Variants in ARHGEF10 observed in about 807,000 individuals in gnomAD.
ARHGEF10 encodes Rho guanine nucleotide exchange factor (GEF) 10.
In ARHGEF10, 140 loss-of-function variants were observed where a neutral mutation model predicts 147.4. The ratio of observed to expected loss-of-function variants is 0.95; its 90% CI spans 0.83 to 1.09. The LOEUF (loss-of-function observed/expected upper bound fraction) is 1.09, where lower values mean the gene tolerates loss of function less well. ARHGEF10 is among the 50% of genes least tolerant of loss of function. The pLI, the probability that ARHGEF10 is intolerant of heterozygous loss-of-function variation, is 0.00. For missense variants in ARHGEF10, 2,222 were observed against 1,752.7 expected, an observed-to-expected ratio of 1.27 and a Z score of -4.78; for synonymous variants, 902 against 695.8, an observed-to-expected ratio of 1.30 and a Z score of -4.67.
intron 25 of ARHGEF10, among the ~76,000 whole-genome samples, chr8:1,933,553 G>A (rs1311993945): frequency 7.3e-6 from 1 of 137,442 alleles, no homozygotes; most frequent in East Asian, 2.6e-4. Flanking sequence ...GGATAGGCAG[G>A]GGGGCGGGTG....
chr8:1,900,705 A>G (rs915547597), intron 15 of ARHGEF10, among the ~76,000 whole-genome samples: 2 of 152,198 alleles, frequency 1.3e-5, no homozygotes, highest in African/African-American at 2.4e-5. Flanking sequence ...ACATTCTTAA[A>G]CTCAGAATTC....
At chr8:1,862,019 T>C (rs749423344) in intron 4 of ARHGEF10, among the ~76,000 whole-genome samples, 3 of 152,256 alleles carry the variant, frequency 2.0e-5, no homozygotes, top group Non-Finnish European at 4.4e-5. Flanking sequence ...AGCCTTGTTC[T>C]AATAAAGACT....
At chr8:1,858,383 C>G (rs534910474) in intron 3 of ARHGEF10, among the ~76,000 whole-genome samples, 1 of 152,194 alleles carries the variant, frequency 6.6e-6, no homozygotes, top group South Asian at 2.1e-4. Context: ...AGGATGATTT[C>G]TAGGAGCCAG....
At chr8:1,847,839 C>G (rs574996136) in intron 2 of ARHGEF10, among the ~76,000 whole-genome samples, 67 of 152,382 alleles carry the variant, frequency 4.4e-4, no homozygotes, top group South Asian at 8.3e-4. Flanking sequence ...ATATGAGAAT[C>G]AAACATGCTC....
chr8:1,839,915 T>A (rs1355852645), intron 1 of ARHGEF10, among the ~76,000 whole-genome samples: 1 of 149,190 alleles, frequency 6.7e-6, no homozygotes, highest in African/African-American at 2.5e-5. Flanking sequence ...GTGTGGGGAC[T>A]GTCCGGTGTG....
At chr8:1,952,940 T>C in intron 28 of ARHGEF10, 113 bp downstream of exon 28, 1 of 1,458,696 alleles carries the variant, frequency 6.9e-7, no homozygotes, top group Non-Finnish European at 9.5e-7. Context: ...TCATATTATC[T>C]GTGGTTTTTC....
intron 7 of ARHGEF10, chr8:1,875,945 A>G (rs917407780): frequency 1.3e-5 from 2 of 153,690 alleles, no homozygotes; most frequent in African/African-American, 4.8e-5. Context: ...ATAAAGAAAC[A>G]TTTATGCTTG....
rs773521162 is a variant in ARHGEF10 at position 1,925,360 on chromosome 8, G to A, written c.2566G>A (p.Val856Ile). The A allele has an allele frequency of 1.4e-4, 221 of 1,614,078 alleles. 4 individuals are homozygous for A. The South Asian group carries it at 1.8e-3, about 13-fold the overall frequency. The change falls in exon 22 of 29, where the codon GTC becomes ATC. Residue 856 changes from valine to isoleucine, a missense_variant. By Grantham distance (29) the Val-to-Ile change is conservative. Transcript: ENST00000349830. ...TAAAAAGGAGAAGCATCCTCTCCTC[G>A]TCGGACACATGCCCGTGATGGTGGC... The part of the protein sequence containing the change: ...HIKKEKHPLL[V>I]GHMPVMVAKQ...
chr8:1,832,466 ACAGAGGCAGAGAGAGACACAGG>A (rs1803195793), intron 1 of ARHGEF10, among the ~76,000 whole-genome samples: 1 of 150,714 alleles, frequency 6.6e-6, no homozygotes, highest in Non-Finnish European at 1.5e-5. Context: ...AGAGGCAGAG[ACAGAGGCAGAGAGAGACACAGG>A]CAGAGGCAGA....
At chr8:1,912,728 C>G (rs1366705977) in intron 18 of ARHGEF10, among the ~76,000 whole-genome samples, 1 of 152,160 alleles carries the variant, frequency 6.6e-6, no homozygotes. Flanking sequence ...CTCCCTGATG[C>G]TGTTTTGAAA....
chr8:1,928,036 A>G (rs993236985), intron 23 of ARHGEF10, among the ~76,000 whole-genome samples: 19 of 152,214 alleles, frequency 1.2e-4, no homozygotes, highest in African/African-American at 4.3e-4. Flanking sequence ...TCCTATTTGA[A>G]AGGTTTATTT....
At chr8:1,944,475 G>T (rs1373431488) in intron 26 of ARHGEF10, among the ~76,000 whole-genome samples, 1 of 152,252 alleles carries the variant, frequency 6.6e-6, no homozygotes, top group Non-Finnish European at 1.5e-5. Context: ...TGGGCTCTGG[G>T]CGCGGCGTAG....
chr8:1,928,384 C>A, intron 23 of ARHGEF10, 43 bp from the exon 24 acceptor site: 1 of 1,591,440 alleles, frequency 6.3e-7, no homozygotes, highest in Non-Finnish European at 8.6e-7. Flanking sequence ...ATGGAAGCCG[C>A]CACATGGTCG....
chr8:1,851,400 C>T (rs1805137001), intron 2 of ARHGEF10, among the ~76,000 whole-genome samples: 1 of 151,818 alleles, frequency 6.6e-6, no homozygotes, highest in African/African-American at 2.4e-5. Flanking sequence ...GAAGGCACAG[C>T]ACCAGGAGCG....
chr8:1,885,839 A>G (rs1399276225), intron 11 of ARHGEF10, 132 bp downstream of exon 11: 5 of 761,874 alleles, frequency 6.6e-6, no homozygotes, highest in African/African-American at 5.2e-5. Flanking sequence ...CCTCCACTGT[A>G]GGTTCCTGGC....
intron 2 of ARHGEF10, among the ~76,000 whole-genome samples, chr8:1,853,828 C>G (rs1223624597): frequency 6.6e-6 from 1 of 152,140 alleles, no homozygotes; most frequent in East Asian, 1.9e-4. Context: ...CCGGGAGTTC[C>G]TGCAGCTGCA....
At chr8:1,886,615 G>C (rs1808679820) in intron 11 of ARHGEF10, among the ~76,000 whole-genome samples, 1 of 152,228 alleles carries the variant, frequency 6.6e-6, no homozygotes, top group South Asian at 2.1e-4. Flanking sequence ...CGAGTGACGG[G>C]ATGGAGTGTC....
chr8:1,826,808 CTG>C (rs1169888694), intron 1 of ARHGEF10, among the ~76,000 whole-genome samples: 1 of 152,218 alleles, frequency 6.6e-6, no homozygotes, highest in Non-Finnish European at 1.5e-5. Flanking sequence ...CTCAGAGAAT[CTG>C]TGTTTCATGC....
At chr8:1,950,076 G>T (rs564906233) in intron 27 of ARHGEF10, among the ~76,000 whole-genome samples, 1 of 152,176 alleles carries the variant, frequency 6.6e-6, no homozygotes, top group Non-Finnish European at 1.5e-5. Flanking sequence ...TCCAGCAGCC[G>T]CTCAAGTGCA....
Sources: gnomAD v4.1 joint callset for allele counts (sites outside exome capture counted in the v4.1 genomes callset) on GRCh38, gnomAD v4.1.1 for gene constraint, MANE v1.5 for transcripts, NCBI Gene and HGNC (gene_info 2026-07-23, HGNC 2026-07-21) for gene names.